The following ELAVL4 variants were observed in gnomAD, a reference collection of about 807,000 sequenced individuals.
ELAVL4 encodes ELAV-like protein 4.
In ELAVL4, 1 loss-of-function variant was observed where a neutral mutation model predicts 35.6. That is an observed-to-expected ratio of 0.03 (90% confidence interval 0.01 to 0.13). The LOEUF (loss-of-function observed/expected upper bound fraction) is 0.13, where lower values mean the gene tolerates loss of function less well. ELAVL4 is among the 10% of genes least tolerant of loss of function. The pLI is 1.00. For synonymous variants in ELAVL4, 156 were observed against 171.0 expected, an observed-to-expected ratio of 0.91 and a Z score of 0.69; for missense variants, 267 against 464.9, an observed-to-expected ratio of 0.57 and a Z score of 3.91.
chr1:50,063,820 C>G (rs575627969), intron 1 of ELAVL4, among the ~76,000 whole-genome samples: 1 of 152,160 alleles, frequency 6.6e-6, no homozygotes, highest in African/African-American at 2.4e-5. Flanking sequence ...TCAGTTAGAA[C>G]CTCTTACTGG....
intron 3 of ELAVL4, among the ~76,000 whole-genome samples, chr1:50,184,519 C>T (rs184032679): frequency 4.6e-5 from 7 of 152,196 alleles, no homozygotes; most frequent in African/African-American, 1.4e-4. Context: ...GTCTTATGTC[C>T]CATTCTCGGC....
At position 50,079,961 on chromosome 1, in the gene ELAVL4, C is replaced by T. The variant is rs542583445; in HGVS notation, c.18+31779C>T. On this transcript the variant is annotated intron_variant, in intron 1 of 6. Transcript: ENST00000448907. Reference sequence around the variant, plus strand: ...CTTTTGTTATTAAGCTCATCTTAAACGTGCGTATGCCATCCTATTTTAAAA... The same window carrying T: ...CTTTTGTTATTAAGCTCATCTTAAATGTGCGTATGCCATCCTATTTTAAAA... Among the ~76,000 whole-genome samples the T allele has an allele frequency of 7.2e-5, 11 of 152,212 alleles. No individual in the cohort carries two copies. The South Asian group carries it at 1.7e-3, about 23-fold the overall frequency.
intron 1 of ELAVL4, among the ~76,000 whole-genome samples, chr1:50,078,106 TTGTGTG>T (rs56818675): frequency 0.039 from 5,702 of 145,026 alleles, 329 homozygotes; most frequent in African/African-American, 0.14. Context: ...AATATATACC[TTGTGTG>T]TGTGTGTGTG....
chr1:50,159,405 C>T (rs1238339449), intron 2 of ELAVL4, among the ~76,000 whole-genome samples: 1 of 151,862 alleles, frequency 6.6e-6, no homozygotes, highest in Non-Finnish European at 1.5e-5. Flanking sequence ...GTCAAGAGTT[C>T]GAGGCCAGCC....
intron 1 of ELAVL4, among the ~76,000 whole-genome samples, chr1:50,119,657 G>A (rs939184060): frequency 1.3e-5 from 2 of 152,008 alleles, no homozygotes; most frequent in African/African-American, 4.8e-5. Context: ...TGGGCTTGCA[G>A]TTGGTATAAT....
At chr1:50,090,458 T>C (rs1387646555) in intron 1 of ELAVL4, among the ~76,000 whole-genome samples, 2 of 151,926 alleles carry the variant, frequency 1.3e-5, no homozygotes, top group Non-Finnish European at 2.9e-5. Context: ...AGTATTGCAA[T>C]TGAAAAAAAA....
At chr1:50,072,694 C>A (rs932127740) in intron 1 of ELAVL4, among the ~76,000 whole-genome samples, 1 of 152,148 alleles carries the variant, frequency 6.6e-6, no homozygotes, top group African/African-American at 2.4e-5. Flanking sequence ...AAATCATAAT[C>A]CTGATATAAA....
intron 1 of ELAVL4, among the ~76,000 whole-genome samples, chr1:50,133,380 C>T (rs1277564759): frequency 6.6e-6 from 1 of 152,074 alleles, no homozygotes; most frequent in African/African-American, 2.4e-5. Flanking sequence ...CACTTCTCCT[C>T]ACCCAGGCCT....
intron 2 of ELAVL4, among the ~76,000 whole-genome samples, chr1:50,145,415 T>G (rs1445063265): frequency 6.6e-6 from 1 of 152,206 alleles, no homozygotes; most frequent in Non-Finnish European, 1.5e-5. Context: ...CATCTTCATC[T>G]TCATGTAAAA....
chr1:50,079,543 G>T (rs551690844), intron 1 of ELAVL4, among the ~76,000 whole-genome samples: 3 of 152,260 alleles, frequency 2.0e-5, no homozygotes, highest in Admixed American at 6.5e-5. Context: ...CAAGAAGGGG[G>T]CATGACCTTG....
chr1:50,196,634 GA>G (rs1366340516), intron 5 of ELAVL4, among the ~76,000 whole-genome samples: 1 of 152,176 alleles, frequency 6.6e-6, no homozygotes, highest in Non-Finnish European at 1.5e-5. Context: ...TACATGAGGA[GA>G]AAAATCATCC....
At chr1:50,082,765 G>A (rs1393244160) in intron 1 of ELAVL4, among the ~76,000 whole-genome samples, 1 of 152,148 alleles carries the variant, frequency 6.6e-6, no homozygotes, top group Non-Finnish European at 1.5e-5. Flanking sequence ...GAGATTGCTA[G>A]TAAGAATTAG....
At chr1:50,150,805 C>A (rs1674650983) in intron 2 of ELAVL4, among the ~76,000 whole-genome samples, 1 of 152,028 alleles carries the variant, frequency 6.6e-6, no homozygotes, top group South Asian at 2.1e-4. Context: ...TGAATTCAGC[C>A]CCAAGGTGAG....
At chr1:50,119,092 G>GAAAGAA (rs1553170385) in intron 1 of ELAVL4, among the ~76,000 whole-genome samples, 1 of 103,874 alleles carries the variant, frequency 9.6e-6, no homozygotes, top group African/African-American at 3.9e-5. Flanking sequence ...AAGAAAGAAA[G>GAAAGAA]AAAAAGAAAA....
At chr1:50,132,514 T>C (rs903143149) in intron 1 of ELAVL4, among the ~76,000 whole-genome samples, 1 of 152,222 alleles carries the variant, frequency 6.6e-6, no homozygotes, top group Non-Finnish European at 1.5e-5. Flanking sequence ...CTCCTTGCTG[T>C]CCTCATGAAG....
At chr1:50,170,266 T>C (rs893004287) in intron 2 of ELAVL4, among the ~76,000 whole-genome samples, 4 of 152,126 alleles carry the variant, frequency 2.6e-5, no homozygotes, top group Admixed American at 2.0e-4. Flanking sequence ...ATTAACCCCT[T>C]GAAAAAAGTA....
chr1:50,170,164 G>C (rs915116048), intron 2 of ELAVL4, among the ~76,000 whole-genome samples: 7 of 152,152 alleles, frequency 4.6e-5, no homozygotes, highest in Non-Finnish European at 8.8e-5. Flanking sequence ...GTATCTTGTG[G>C]GGCATGAGAG....
intron 1 of ELAVL4, among the ~76,000 whole-genome samples, chr1:50,058,097 C>T (rs924017904): frequency 3.3e-5 from 5 of 152,074 alleles, no homozygotes; most frequent in South Asian, 2.1e-4. Flanking sequence ...AACCAGTCCA[C>T]GGGGGGAAGT....
chr1:50,128,683 G>T (rs1050673541), intron 1 of ELAVL4, among the ~76,000 whole-genome samples: 6 of 152,094 alleles, frequency 3.9e-5, no homozygotes, highest in Non-Finnish European at 7.4e-5. Context: ...ATGGCAGAGA[G>T]AGGAGGGCTT....
Sources: allele counts gnomAD v4.1 joint callset (sites outside exome capture counted in the v4.1 genomes callset), GRCh38; gene constraint gnomAD v4.1.1; transcripts MANE v1.5; gene names NCBI Gene and HGNC (gene_info 2026-07-23, HGNC 2026-07-21).